The following PAX2 variants were observed in gnomAD, a reference collection of about 807,000 sequenced individuals.
PAX2 encodes paired box protein Pax-2.
In PAX2, 9 loss-of-function variants were observed where a neutral mutation model predicts 41.7. The ratio of observed to expected loss-of-function variants is 0.22; its 90% CI spans 0.13 to 0.38. The LOEUF (loss-of-function observed/expected upper bound fraction) is 0.38. PAX2 is among the 10% of genes least tolerant of loss of function. PAX2 has a pLI of 1.00. For missense variants in PAX2, 418 were observed against 531.6 expected (o/e 0.79, Z 2.10); for synonymous variants, 221 against 212.7 (o/e 1.04, Z -0.34).
chr10:100,749,939 G>C (rs757531204), intron 2 of PAX2, 25 bp downstream of exon 2: 5 of 1,607,426 alleles, frequency 3.1e-6, no homozygotes, highest in Non-Finnish European at 4.2e-6. Flanking sequence ...GCTGTCCCGG[G>C]AGACGCCTTG....
rs1038785157 is a variant in PAX2, at chr10:100,826,609, C to A, written c.1022-400C>A. Among the ~76,000 whole-genome samples, 2 of 152,248 alleles carry A rather than the reference C, an allele frequency of 1.3e-5. No individual in the cohort carries two copies. The highest frequency in any genetic ancestry group is 2.9e-5 in the Non-Finnish European group (2 of 68,040). On this transcript the variant is annotated intron_variant, in intron 8 of 9. Transcript: ENST00000355243. The surrounding 1 kb of genome is among the most constrained non-coding windows in gnomAD (Gnocchi z 5.5). ...AAGGCCTTTCTTCGCCACCGCCCCCCACTCCCATTTCCACCCATTAGGGGC... is the reference window on the plus strand; with the variant it reads ...AAGGCCTTTCTTCGCCACCGCCCCCAACTCCCATTTCCACCCATTAGGGGC...
At chr10:100,752,845 T>G (rs969973140) in intron 3 of PAX2, among the ~76,000 whole-genome samples, 23 of 152,180 alleles carry the variant, frequency 1.5e-4, no homozygotes, top group African/African-American at 4.8e-4. Flanking sequence ...TTGGAAATAC[T>G]TCTATCCTGA....
chr10:100,755,224 G>A (rs185807309), intron 3 of PAX2, among the ~76,000 whole-genome samples: 33 of 152,332 alleles, frequency 2.2e-4, no homozygotes, highest in African/African-American at 3.1e-4. Context: ...GTTTTAGCCT[G>A]GGCTTCCTGG....
At chr10:100,775,673 G>T (rs969347902) in intron 3 of PAX2, among the ~76,000 whole-genome samples, 4 of 152,160 alleles carry the variant, frequency 2.6e-5, no homozygotes, top group African/African-American at 7.2e-5. Context: ...CCCCACCCCT[G>T]GGGTTCCCTT....
In PAX2 at chr10:100,750,955, T is replaced by A. The variant is rs905368251; in HGVS notation, c.410+64T>A. 1 of 1,232,818 alleles carries A rather than the reference T, an allele frequency of 8.1e-7. No individual in the cohort carries two copies. The highest frequency in any genetic ancestry group is 1.5e-5 in the African/African-American group (1 of 67,702). 76.4% of individuals were successfully genotyped at this position (1,232,818 alleles called of 1,614,324 possible). ...CTCCTGGCTCCTGCCTGCAGGGGTG[T>A]CCCACGCCCAGTCTCTGCTCTTTGT... On this transcript the variant is annotated intron_variant, in intron 3 of 9. Coordinates refer to ENST00000355243, the MANE Select transcript of PAX2 (RefSeq NM_000278.5). This position sits in a 1 kb window ranked among gnomAD's most constrained non-coding sequence, Gnocchi z 4.1.
intron 4 of PAX2, among the ~76,000 whole-genome samples, chr10:100,780,974 C>T (rs557635159): frequency 4.6e-5 from 7 of 151,416 alleles, no homozygotes; most frequent in Non-Finnish European, 1.0e-4. Flanking sequence ...TTGAGAACCC[C>T]AGTGAAATCC....
intron 5 of PAX2, among the ~76,000 whole-genome samples, chr10:100,787,267 CT>C (rs937382989): frequency 1.6e-4 from 25 of 152,202 alleles, no homozygotes; most frequent in Admixed American, 1.2e-3. Flanking sequence ...TGGGGGGTCA[CT>C]TTTTCTAGCC....
chr10:100,749,392 C>A, intron 1 of PAX2: 1 of 1,103,836 alleles, frequency 9.1e-7, no homozygotes, highest in East Asian at 5.6e-5. Flanking sequence ...CAGGCCCTTC[C>A]TCTCCTCGCT....
Position 100,781,478 on chromosome 10 carries a change from G to A in PAX2, c.616+113G>A, listed in dbSNP as rs1465033243. The stretch of plus-strand genomic sequence containing the variant: ...CTCTGCTGTGAGATCAATTTTAGTA[G>A]CAAAGCCCAGGTCCCCCCACTGCCC... On this transcript the variant is annotated intron_variant, in intron 5 of 9. Transcript: ENST00000355243. 5 of 1,143,890 alleles carry A rather than the reference G, an allele frequency of 4.4e-6. No homozygotes were observed. The African/African-American group carries it at 7.6e-5, about 17-fold the overall frequency. The allele number at this position is 1,143,890 out of a possible 1,614,324, so 70.9% of individuals were successfully genotyped here.
At chr10:100,740,391 C>T (rs992856614) in intron 1 of PAX2, among the ~76,000 whole-genome samples, 5 of 152,046 alleles carry the variant, frequency 3.3e-5, no homozygotes, top group African/African-American at 1.2e-4. Flanking sequence ...GAGGGAAGAA[C>T]GATAAACCTG....
At chr10:100,817,710 G>T (rs572407263) in intron 7 of PAX2, among the ~76,000 whole-genome samples, 1 of 152,226 alleles carries the variant, frequency 6.6e-6, no homozygotes, top group Admixed American at 6.5e-5. Flanking sequence ...AGCCTCAGGT[G>T]GGGTATGGGG....
chr10:100,794,788 C>G (rs1847263434), intron 5 of PAX2, among the ~76,000 whole-genome samples: 1 of 152,214 alleles, frequency 6.6e-6, no homozygotes, highest in Non-Finnish European at 1.5e-5. Context: ...TCGTGGTCAA[C>G]TAAAACCTCG....
intron 5 of PAX2, among the ~76,000 whole-genome samples, chr10:100,784,202 C>T (rs1189555973): frequency 6.6e-6 from 1 of 152,200 alleles, no homozygotes; most frequent in African/African-American, 2.4e-5. Flanking sequence ...TGATGTAGCC[C>T]AACTCTGCAG....
rs1045196788 is a variant in PAX2 at position 100,786,836 on chromosome 10, C to T, written c.616+5471C>T. 1.4e-5 allele frequency: 8 copies of T among 577,536 alleles called. No individual in the cohort carries two copies. In the East Asian group the frequency reaches 4.6e-4, roughly 33 times the overall value. 35.8% of individuals were successfully genotyped at this position (577,536 alleles called of 1,614,324 possible). A position where few individuals can be genotyped will look rare whatever the true frequency, so the allele number is the denominator to read the frequency against. On this transcript the variant is annotated intron_variant, in intron 5 of 9. Transcript: ENST00000355243. ...AATTGCAGCTCAGAACCCTTGTAGC[C>T]CTTAGAAGGGGAGTCTGGTCTCCCG...
chr10:100,759,526 G>C (rs377174657), intron 3 of PAX2, among the ~76,000 whole-genome samples: 1 of 152,164 alleles, frequency 6.6e-6, no homozygotes, highest in East Asian at 1.9e-4. Flanking sequence ...TTGCAGATTC[G>C]AGAGCCATCT....
At chr10:100,772,537 T>C (rs4600144) in intron 3 of PAX2, among the ~76,000 whole-genome samples, 146,130 of 152,330 alleles carry the variant, frequency 0.96, 70,131 homozygotes, top group East Asian at 1. Context: ...CCCATGACCA[T>C]TCGTCTGGCT....
At chr10:100,767,474 T>C (rs1325395581) in intron 3 of PAX2, among the ~76,000 whole-genome samples, 1 of 152,016 alleles carries the variant, frequency 6.6e-6, no homozygotes, top group Admixed American at 6.5e-5. Context: ...TTAGTGAAAA[T>C]GACAGAGCTC....
At chr10:100,802,791 T>C (rs1847611503) in intron 5 of PAX2, among the ~76,000 whole-genome samples, 1 of 152,122 alleles carries the variant, frequency 6.6e-6, no homozygotes, top group Non-Finnish European at 1.5e-5. Flanking sequence ...ATGGATGGTG[T>C]CTAATCACTC....
intron 7 of PAX2, among the ~76,000 whole-genome samples, chr10:100,812,479 TG>T (rs1034921068): frequency 6.6e-6 from 1 of 152,158 alleles, no homozygotes; most frequent in African/African-American, 2.4e-5. Flanking sequence ...TGGCTGTGGC[TG>T]GTACCTCTCA....
Sources: gnomAD v4.1 joint callset for allele counts (sites outside exome capture counted in the v4.1 genomes callset) on GRCh38, gnomAD v4.1.1 for gene constraint, Gnocchi (gnomAD v3.1) non-coding constraint, MANE v1.5 for transcripts, NCBI Gene and HGNC (gene_info 2026-07-23, HGNC 2026-07-21) for gene names.